SLC26A11: variants seen among roughly 807,000 people sequenced by gnomAD.
The protein encoded by SLC26A11 is sodium-independent sulfate anion transporter.
A neutral mutation model predicts 62.2 loss-of-function variants in SLC26A11; 58 were observed. That is an observed-to-expected ratio of 0.93 (90% CI 0.76 to 1.16). The LOEUF (loss-of-function observed/expected upper bound fraction) is 1.16, where lower values mean the gene tolerates loss of function less well. Among genes scored for constraint, SLC26A11 ranks in the 50% most tolerant of loss-of-function variants. The probability of loss-of-function intolerance (pLI) is 0.00; values close to 1 mark genes in which losing one functional copy is unlikely to be tolerated. For missense variants in SLC26A11, 790 were observed against 794.3 expected (o/e 0.99, Z 0.06); for synonymous variants, 411 against 368.9 (o/e 1.11, Z -1.31).
At chr17:80,248,433 G>C in intron 14 of SLC26A11, 142 bp from the exon 15 acceptor site, 1 of 1,248,270 alleles carries the variant, frequency 8.0e-7, no homozygotes, top group Non-Finnish European at 1.1e-6. Flanking sequence ...CTGTGTGGGG[G>C]CCATGGGGGT....
At position 80,237,051 on chromosome 17, in the gene SLC26A11, C is replaced by T. The variant is rs2042714054; in HGVS notation, c.860C>T (p.Pro287Leu). 1 of 1,613,924 alleles carries T rather than the reference C, an allele frequency of 6.2e-7. No homozygotes were observed. The highest frequency in any genetic ancestry group is 8.5e-7 in the Non-Finnish European group (1 of 1,179,982). ...GGGCTCCCTCCAGTCCGGATCCCGC[C>T]CTTCTCAGTGACCACAGCCAACGGG... ...AEGLPPVRIP[P>L]FSVTTANGTI... The change falls in exon 8 of 18, where the codon CCC becomes CTC. Residue 287 changes from proline (P) to leucine (L), a missense_variant. Pro to Leu is a moderately conservative substitution (Grantham distance 98). Coordinates refer to ENST00000361193, the MANE Select transcript of SLC26A11 (RefSeq NM_001166347.2).
chr17:80,251,427 C>T, intron 17 of SLC26A11, 26 bp downstream of exon 17: 2 of 1,611,952 alleles, frequency 1.2e-6, no homozygotes, highest in Non-Finnish European at 1.7e-6. Flanking sequence ...CATCCTGTGG[C>T]TTTGGTGATT....
At chr17:80,225,058 T>A (rs1359882925) in intron 5 of SLC26A11, among the ~76,000 whole-genome samples, 3 of 151,954 alleles carry the variant, frequency 2.0e-5, no homozygotes, top group Admixed American at 6.6e-5. Context: ...AGAACTAAAG[T>A]GCAAGCTGTG....
intron 7 of SLC26A11, among the ~76,000 whole-genome samples, chr17:80,234,337 C>G (rs896194122): frequency 3.9e-5 from 6 of 152,192 alleles, no homozygotes; most frequent in Non-Finnish European, 8.8e-5. Flanking sequence ...CTGCTGTCTT[C>G]TGGCCCACTT....
chr17:80,226,718 C>T lies in SLC26A11; in HGVS notation c.593+802C>T, dbSNP rs192607162. ...TCCATCTCCGCCCTGCCCTGCCCCCCCGAAAAGAAAAGCCTCTGATGAGGG... is the reference window on the plus strand; with the variant it reads ...TCCATCTCCGCCCTGCCCTGCCCCCTCGAAAAGAAAAGCCTCTGATGAGGG... On this transcript the variant is annotated intron_variant, in intron 6 of 17. Coordinates refer to ENST00000361193, the MANE Select transcript of SLC26A11 (RefSeq NM_001166347.2). Among the ~76,000 whole-genome samples the T allele has an allele frequency of 1.8e-4, 28 of 152,264 alleles. No homozygotes were observed. The East Asian group carries it at 5.0e-3, about 27-fold the overall frequency.
At position 80,221,645 on chromosome 17, in the gene SLC26A11, G is replaced by A; in HGVS notation, c.85G>A (p.Ala29Thr). The A allele has an allele frequency of 3.7e-6, 6 of 1,612,182 alleles. No individual in the cohort carries two copies. The highest frequency in any genetic ancestry group is 5.1e-6 in the Non-Finnish European group (6 of 1,179,894). Residue 29 changes from alanine to threonine, a missense_variant, in exon 3 of 18, where the codon GCC becomes ACC. By Grantham distance (58) the Ala-to-Thr change is moderately conservative. Transcript: ENST00000361193. The stretch of plus-strand genomic sequence containing the variant: ...GAGCGCCTGCTGCTGCTCCCCTGCG[G>A]CCCTGCAGAGGAGGCTGCCCATCCT... Reference protein sequence around the residue: ...APSACCCSPAALQRRLPILAW... With the variant: ...APSACCCSPATLQRRLPILAW...
intron 2 of SLC26A11, 140 bp downstream of exon 2, chr17:80,221,255 A>C (rs1598777533): frequency 8.0e-6 from 3 of 374,842 alleles, no homozygotes; most frequent in Non-Finnish European, 1.4e-5. Context: ...TCAATGAGGA[A>C]TCGCTTATCA....
In SLC26A11 at chr17:80,228,659, C is replaced by T. The variant is rs183878319; in HGVS notation, c.736+699C>T. On this transcript the variant is annotated intron_variant, in intron 7 of 17. Coordinates refer to ENST00000361193, the MANE Select transcript of SLC26A11 (RefSeq NM_001166347.2). The surrounding 1 kb of genome is among the most constrained non-coding windows in gnomAD (Gnocchi z 4.1). ...AGGAATGCCACTAAGCCCCTGACGG[C>T]GCACAGCCTTCCACAGCAAACAGTG... Among the ~76,000 whole-genome samples the T allele has an allele frequency of 1.6e-4, 25 of 152,340 alleles. No individual in the cohort carries two copies. In the East Asian group the frequency reaches 3.1e-3, roughly 19 times the overall value.
Position 80,248,638 on chromosome 17 carries a change from G to GACATGTCCTTCCCTTC in SLC26A11, c.1486_1487insACATGTCCTTCCCTTC (p.Ala496AspfsTer73). Reference sequence around the variant, plus strand: ...CGGCCTGTCCTTCCCTGCCATGGAGGCTCTGCGGGAGGAGATCCTAAGCCG... The same window carrying GACATGTCCTTCCCTTC: ...CGGCCTGTCCTTCCCTGCCATGGAGGACATGTCCTTCCCTTCCTCTGCGGGAGGAGATCCTAAGCCG... On this transcript the variant is annotated frameshift_variant, in exon 15 of 18. Coordinates refer to ENST00000361193, the MANE Select transcript of SLC26A11 (RefSeq NM_001166347.2). LOFTEE classifies it high-confidence loss of function. 1 of 1,584,288 alleles carries GACATGTCCTTCCCTTC rather than the reference G, an allele frequency of 6.3e-7. No individual in the cohort carries two copies. Among genetic ancestry groups the GACATGTCCTTCCCTTC allele is most frequent in the Non-Finnish European group, 8.6e-7 (1 of 1,165,300 alleles).
At chr17:80,241,742 A>T (rs922416274) in intron 9 of SLC26A11, 29 bp from the exon 10 acceptor site, 1 of 1,611,640 alleles carries the variant, frequency 6.2e-7, no homozygotes, top group African/African-American at 1.3e-5. Flanking sequence ...AATATTACTG[A>T]CCAGGTCTTT....
intron 6 of SLC26A11, among the ~76,000 whole-genome samples, chr17:80,226,686 G>C (rs1598798305): frequency 6.6e-6 from 1 of 152,198 alleles, no homozygotes; most frequent in Non-Finnish European, 1.5e-5. Flanking sequence ...GGGTGATAGA[G>C]TGAGACTCCA....
At chr17:80,234,580 C>T (rs576890627) in intron 7 of SLC26A11, among the ~76,000 whole-genome samples, 2 of 152,012 alleles carry the variant, frequency 1.3e-5, no homozygotes, top group African/African-American at 4.8e-5. Context: ...CCCATCTTTT[C>T]GTGAAATCTT....
intron 10 of SLC26A11, among the ~76,000 whole-genome samples, chr17:80,242,997 G>T (rs973593559): frequency 6.6e-6 from 1 of 152,092 alleles, no homozygotes; most frequent in South Asian, 2.1e-4. Flanking sequence ...GTGAGCCACC[G>T]CGCCTGGCCC....
At chr17:80,225,481 G>A (rs1033364936) in intron 5 of SLC26A11, 6 of 233,910 alleles carry the variant, frequency 2.6e-5, no homozygotes, top group African/African-American at 1.1e-4. Flanking sequence ...TGGAGCCAAT[G>A]GGGGTGGGGC....
chr17:80,247,196 A>G lies in SLC26A11; in HGVS notation c.1294+547A>G, dbSNP rs1307182797. On this transcript the variant is annotated intron_variant, in intron 13 of 17. Transcript: ENST00000361193. Reference sequence around the variant, plus strand: ...GATAACAGGATCCCAAGGCAGAGGAATTTTTCTTAGTGCAGAACAAAATGA... The same window carrying G: ...GATAACAGGATCCCAAGGCAGAGGAGTTTTTCTTAGTGCAGAACAAAATGA... Among the ~76,000 whole-genome samples, 5 of 151,920 alleles carry G rather than the reference A, an allele frequency of 3.3e-5. 1 individual carries two copies. In the Middle Eastern group the frequency reaches 0.014, roughly 413 times the overall value.
intron 10 of SLC26A11, among the ~76,000 whole-genome samples, chr17:80,242,688 T>C (rs1202964733): frequency 6.6e-6 from 1 of 152,214 alleles, no homozygotes; most frequent in Non-Finnish European, 1.5e-5. Context: ...CTTAGTGGTA[T>C]ATTTCGAGAC....
rs990065614 is a variant in SLC26A11 at position 80,222,928 on chromosome 17, C to T, written c.427+81C>T. On this transcript the variant is annotated intron_variant, in intron 4 of 17. Transcript: ENST00000361193. The surrounding 1 kb of genome is among the most constrained non-coding windows in gnomAD (Gnocchi z 4.7). Reference sequence around the variant, plus strand: ...TGCATTTCAAGTCTATCCCCGTGTGCGTGTGTGTGCGTGTTGGGGTGTGGG... The same window carrying T: ...TGCATTTCAAGTCTATCCCCGTGTGTGTGTGTGTGCGTGTTGGGGTGTGGG... The T allele has an allele frequency of 3.0e-5, 36 of 1,186,826 alleles. No individual in the cohort carries two copies. Among genetic ancestry groups the T allele is most frequent in the East Asian group, 3.0e-4 (7 of 23,132 alleles). 73.5% of individuals were successfully genotyped at this position (1,186,826 alleles called of 1,614,324 possible). A position where few individuals can be genotyped will look rare whatever the true frequency, so the allele number is the denominator to read the frequency against.
rs903148192 is a variant in SLC26A11, at chr17:80,223,601, G to A, written c.513+264G>A. Reference sequence around the variant, plus strand: ...CCGGTAATTCCATCCCCCTGCTCTTGCCCGAGTTTCCGTGCCAGTGTGCTT... The same window carrying A: ...CCGGTAATTCCATCCCCCTGCTCTTACCCGAGTTTCCGTGCCAGTGTGCTT... On this transcript the variant is annotated intron_variant, in intron 5 of 17. Transcript: ENST00000361193. The surrounding 1 kb of genome is among the most constrained non-coding windows in gnomAD (Gnocchi z 4.6). Among the ~76,000 whole-genome samples, 1 of 152,154 alleles carries A rather than the reference G, an allele frequency of 6.6e-6. No individual in the cohort carries two copies. Among genetic ancestry groups the A allele is most frequent in the Non-Finnish European group, 1.5e-5 (1 of 68,012 alleles).
chr17:80,227,394 C>T (rs2042440325), intron 6 of SLC26A11, among the ~76,000 whole-genome samples: 1 of 152,332 alleles, frequency 6.6e-6, no homozygotes, highest in African/African-American at 2.4e-5. Flanking sequence ...GTTCCATAGA[C>T]TTGAGTCCCA....
Sources: gnomAD v4.1 joint callset for allele counts (sites outside exome capture counted in the v4.1 genomes callset) on GRCh38, gnomAD v4.1.1 for gene constraint, Gnocchi (gnomAD v3.1) non-coding constraint, MANE v1.5 for transcripts, NCBI Gene and HGNC (gene_info 2026-07-23, HGNC 2026-07-21) for gene names.